Variants in FRS2 observed in about 807,000 individuals in gnomAD.
The protein encoded by FRS2 is FGFR signalling adaptor.
Under a neutral mutation model 43.9 loss-of-function variants are expected in FRS2, and 8 were observed. The ratio of observed to expected loss-of-function variants is 0.18; its 90% CI spans 0.11 to 0.33. The LOEUF (loss-of-function observed/expected upper bound fraction) is 0.33. Among genes scored for constraint, FRS2 ranks in the 10% least tolerant of loss-of-function variants. The pLI, the probability that FRS2 is intolerant of heterozygous loss-of-function variation, is 1.00. For synonymous variants in FRS2, 219 were observed against 220.3 expected, an observed-to-expected ratio of 0.99 and a Z score of 0.05; for missense variants, 534 against 627.6, an observed-to-expected ratio of 0.85 and a Z score of 1.59.
intron 1 of FRS2, among the ~76,000 whole-genome samples, chr12:69,500,980 A>C (rs745989825): frequency 2.6e-5 from 4 of 152,286 alleles, no homozygotes; most frequent in South Asian, 2.1e-4. Flanking sequence ...ATGCTGATTA[A>C]ATCATTCTAC....
In FRS2 at chr12:69,570,468, C is replaced by G; in HGVS notation, c.204C>G (p.Asp68Glu). 6.2e-7 allele frequency: 1 copy of G among 1,613,082 alleles called. No individual in the cohort carries two copies. The highest frequency in any genetic ancestry group is 8.5e-7 in the Non-Finnish European group (1 of 1,179,030). ...TCTGCCTGCGACGCTATGGCTATGA[C>G]TCGAATCTCTTTTCTTTTGAAAGTG... ...HYLCLRRYGY[D>E]SNLFSFESGR... is the part of the protein sequence containing the mutation. Residue 68 changes from aspartate (D) to glutamate (E), a missense_variant, in exon 6 of 9, where the codon GAC becomes GAG. Transcript: ENST00000549921.
Position 69,532,945 on chromosome 12 carries a change from T to G in FRS2, c.-122+889T>G, listed in dbSNP as rs540194283. ...TCCAGTTTCTTTAATTTTGAGTCTT[T>G]TGTATGGCATAGTAATTTTCTTATT... is the stretch of plus-strand genomic sequence containing the variant. On this transcript the variant is annotated intron_variant, in intron 3 of 8. Coordinates refer to ENST00000549921, the MANE Select transcript of FRS2 (RefSeq NM_001278356.2). Among the ~76,000 whole-genome samples, 8 of 152,308 alleles carry G rather than the reference T, an allele frequency of 5.3e-5. No homozygotes were observed. The South Asian group carries it at 1.2e-3, about 24-fold the overall frequency.
At chr12:69,557,363 CAG>C (rs962313148) in intron 3 of FRS2, among the ~76,000 whole-genome samples, 13 of 152,156 alleles carry the variant, frequency 8.5e-5, no homozygotes, top group African/African-American at 3.1e-4. Context: ...TTCAGATTTT[CAG>C]AGTTAATGAT....
At chr12:69,518,857 A>G (rs1202709398) in intron 1 of FRS2, among the ~76,000 whole-genome samples, 1 of 151,836 alleles carries the variant, frequency 6.6e-6, no homozygotes. Context: ...TCTACTAAAA[A>G]TACAAAAGTA....
intron 3 of FRS2, among the ~76,000 whole-genome samples, chr12:69,555,528 A>T (rs1195922601): frequency 1.3e-5 from 2 of 152,244 alleles, no homozygotes; most frequent in Non-Finnish European, 2.9e-5. Flanking sequence ...TACAAAACGT[A>T]TATACAATTG....
intron 1 of FRS2, among the ~76,000 whole-genome samples, chr12:69,488,314 C>A (rs1872143727): frequency 6.6e-6 from 1 of 152,178 alleles, no homozygotes. Context: ...CCTTTAGCAA[C>A]CACCACTCTG....
At chr12:69,549,803 T>C (rs1296334498) in intron 3 of FRS2, among the ~76,000 whole-genome samples, 1 of 152,248 alleles carries the variant, frequency 6.6e-6, no homozygotes, top group Non-Finnish European at 1.5e-5. Flanking sequence ...TCAACAGTGT[T>C]CTTTCTGTCC....
intron 1 of FRS2, among the ~76,000 whole-genome samples, chr12:69,496,991 A>G (rs1872958349): frequency 6.6e-6 from 1 of 152,234 alleles, no homozygotes; most frequent in Admixed American, 6.5e-5. Context: ...GGAAGCAAAG[A>G]TATAAAATGG....
intron 1 of FRS2, among the ~76,000 whole-genome samples, chr12:69,478,597 T>C (rs1871059747): frequency 6.6e-6 from 1 of 152,196 alleles, no homozygotes; most frequent in Non-Finnish European, 1.5e-5. Flanking sequence ...TCTTTTTCTT[T>C]GAATTTTGAA....
chr12:69,493,717 G>A lies in FRS2; in HGVS notation c.-261+23187G>A, dbSNP rs575383245. ...GCCTGGGCAACAAGAGCGAAACTCC[G>A]CCTCAAAAACAAAACAAAACAAAAA... is the stretch of plus-strand genomic sequence containing the variant. On this transcript the variant is annotated intron_variant, in intron 1 of 8. Transcript: ENST00000549921. 2.6e-4 allele frequency among the ~76,000 whole-genome samples: 40 copies of A among 152,130 alleles called. 1 individual carries two copies. The South Asian group carries it at 6.0e-3, about 23-fold the overall frequency.
At chr12:69,559,021 C>T (rs1879663030) in intron 3 of FRS2, among the ~76,000 whole-genome samples, 1 of 152,116 alleles carries the variant, frequency 6.6e-6, no homozygotes, top group Admixed American at 6.6e-5. Context: ...TAAAGAAATG[C>T]CACTTTAGGC....
At chr12:69,564,030 C>T (rs549938597) in intron 4 of FRS2, among the ~76,000 whole-genome samples, 4 of 152,212 alleles carry the variant, frequency 2.6e-5, no homozygotes, top group Admixed American at 6.5e-5. Flanking sequence ...TCTTAAAATA[C>T]GTAACTCAAG....
At chr12:69,472,867 G>C (rs1305247503) in intron 1 of FRS2, among the ~76,000 whole-genome samples, 2 of 152,196 alleles carry the variant, frequency 1.3e-5, no homozygotes, top group Non-Finnish European at 2.9e-5. Flanking sequence ...TTGGCGATGG[G>C]TGTTGAGTGC....
intron 1 of FRS2, among the ~76,000 whole-genome samples, chr12:69,474,246 T>C (rs1478842103): frequency 6.6e-6 from 1 of 152,172 alleles, no homozygotes; most frequent in East Asian, 1.9e-4. Context: ...GTTGACTTTT[T>C]TGTATACTTG....
Position 69,578,274 on chromosome 12 carries a change from A to G in FRS2, c.*3319A>G, listed in dbSNP as rs1404598299. On this transcript the variant is annotated 3_prime_UTR_variant, in exon 9 of 9. Transcript: ENST00000549921. The stretch of plus-strand genomic sequence containing the variant: ...GACATCATTCACAAGTAACTGATGT[A>G]TTGGCATCTCATTCATATTTCTGAT... 6.6e-6 allele frequency: 1 copy of G among 152,606 alleles called. No homozygotes were observed. Among genetic ancestry groups the G allele is most frequent in the Admixed American group, 6.5e-5 (1 of 15,276 alleles). The allele number at this position is 152,606 out of a possible 1,614,324, so 9.5% of individuals were successfully genotyped here. A position where few individuals can be genotyped will look rare whatever the true frequency, so the allele number is the denominator to read the frequency against.
chr12:69,526,726 AC>A (rs1392936509), intron 1 of FRS2, among the ~76,000 whole-genome samples: 1 of 151,552 alleles, frequency 6.6e-6, no homozygotes, highest in Non-Finnish European at 1.5e-5. Context: ...AAGTGTAGAA[AC>A]TTTTTTTTTT....
intron 1 of FRS2, among the ~76,000 whole-genome samples, chr12:69,520,426 T>A (rs1047527517): frequency 2.3e-4 from 34 of 150,108 alleles, no homozygotes; most frequent in African/African-American, 7.4e-4. Context: ...TGTAATTAGA[T>A]CTCATATGTC....
At chr12:69,506,512 G>C (rs972888369) in intron 1 of FRS2, among the ~76,000 whole-genome samples, 4 of 151,718 alleles carry the variant, frequency 2.6e-5, no homozygotes. Context: ...GACTGATAAC[G>C]TATTATTTAA....
chr12:69,480,691 C>T (rs1164965000), intron 1 of FRS2, among the ~76,000 whole-genome samples: 1 of 152,134 alleles, frequency 6.6e-6, no homozygotes, highest in Non-Finnish European at 1.5e-5. Context: ...TTATTCAGTT[C>T]CTTCTTAAGA....
Sources: gnomAD v4.1 joint callset for allele counts (sites outside exome capture counted in the v4.1 genomes callset) on GRCh38, gnomAD v4.1.1 for gene constraint, MANE v1.5 for transcripts, NCBI Gene and HGNC (gene_info 2026-07-23, HGNC 2026-07-21) for gene names.